The following EML6 variants were observed in gnomAD, a reference collection of about 807,000 sequenced individuals.
EML6 encodes the protein echinoderm microtubule-associated protein-like 6.
EML6 carries 154 observed loss-of-function variants against 240.1 expected under a neutral mutation model. The ratio of observed to expected loss-of-function variants is 0.64; its 90% CI spans 0.56 to 0.73. The LOEUF (loss-of-function observed/expected upper bound fraction) is 0.73, where lower values mean the gene tolerates loss of function less well. Among genes scored for constraint, EML6 ranks in the 30% least tolerant of loss-of-function variants. EML6 has a pLI of 0.00. For synonymous variants in EML6, 1,148 were observed against 899.0 expected (o/e 1.28, Z -4.95); for missense variants, 2,964 against 2,474.6 (o/e 1.20, Z -4.20).
intron 3 of EML6, among the ~76,000 whole-genome samples, chr2:54,815,970 A>T (rs1668063515): frequency 6.6e-6 from 1 of 152,228 alleles, no homozygotes; most frequent in Admixed American, 6.5e-5. Context: ...AGGAATGATT[A>T]TTTTTTATAC....
At chr2:54,941,842 C>T (rs1479671328) in intron 28 of EML6, among the ~76,000 whole-genome samples, 2 of 152,254 alleles carry the variant, frequency 1.3e-5, no homozygotes, top group Admixed American at 1.3e-4. Flanking sequence ...CCCACCCCTT[C>T]GTTCTGCAAG....
chr2:54,781,963 C>G (rs889041798), intron 2 of EML6, among the ~76,000 whole-genome samples: 95 of 152,334 alleles, frequency 6.2e-4, no homozygotes, highest in African/African-American at 2.2e-3. Context: ...GCCACCACTC[C>G]TGGACTACAA....
intron 26 of EML6, among the ~76,000 whole-genome samples, chr2:54,921,061 G>A (rs942381802): frequency 4.6e-5 from 7 of 151,928 alleles, no homozygotes; most frequent in Non-Finnish European, 7.4e-5. Flanking sequence ...ATGAAAAGCC[G>A]AAAACTTTTC....
At chr2:54,937,200 C>T (rs1376786463) in intron 28 of EML6, among the ~76,000 whole-genome samples, 1 of 151,682 alleles carries the variant, frequency 6.6e-6, no homozygotes, top group African/African-American at 2.4e-5. Flanking sequence ...ATTGCTTAAA[C>T]CCGGGAGGTG....
chr2:54,853,277 A>G (rs1174781372), intron 10 of EML6, among the ~76,000 whole-genome samples: 1 of 152,216 alleles, frequency 6.6e-6, no homozygotes, highest in Non-Finnish European at 1.5e-5. Flanking sequence ...AAGGTAATTA[A>G]GTAATTGTTA....
chr2:54,839,125 A>G (rs1414362976), intron 7 of EML6, among the ~76,000 whole-genome samples: 13 of 152,230 alleles, frequency 8.5e-5, no homozygotes. Context: ...TGTCAGAAGT[A>G]GAAACTAAGC....
chr2:54,895,153 C>G, intron 20 of EML6, 120 bp from the exon 21 acceptor site: 3 of 1,331,264 alleles, frequency 2.3e-6, no homozygotes, highest in Non-Finnish European at 2.1e-6. Flanking sequence ...CTCTCTTCCT[C>G]TGGTAGAAAT....
At chr2:54,750,398 T>C (rs527543591) in intron 2 of EML6, among the ~76,000 whole-genome samples, 1 of 152,342 alleles carries the variant, frequency 6.6e-6, no homozygotes, top group South Asian at 2.1e-4. Flanking sequence ...AGTTAGCTTA[T>C]TGGCATCACC....
intron 12 of EML6, among the ~76,000 whole-genome samples, chr2:54,861,812 A>AGT (rs1190689198): frequency 2.6e-5 from 4 of 151,034 alleles, no homozygotes; most frequent in African/African-American, 4.9e-5. Context: ...ACCAACACAC[A>AGT]GTGTCAGTGA....
intron 13 of EML6, among the ~76,000 whole-genome samples, chr2:54,865,557 C>G (rs1670927823): frequency 6.6e-6 from 1 of 152,202 alleles, no homozygotes; most frequent in Non-Finnish European, 1.5e-5. Flanking sequence ...AATCTGAATT[C>G]TCCAAAATCC....
chr2:54,881,126 C>T (rs1027463292), intron 17 of EML6: 1 of 152,124 alleles, frequency 6.6e-6, no homozygotes, highest in Non-Finnish European at 1.5e-5. Flanking sequence ...GCAGAATTGC[C>T]CAGGAGAACA....
At chr2:54,798,222 G>C (rs567839432) in intron 2 of EML6, among the ~76,000 whole-genome samples, 188 of 152,142 alleles carry the variant, frequency 1.2e-3, no homozygotes, top group African/African-American at 3.8e-3. Flanking sequence ...GCCCAGGCTG[G>C]AGTGCAGTGG....
At chr2:54,874,585 T>C (rs1227171263) in intron 16 of EML6, among the ~76,000 whole-genome samples, 4 of 152,162 alleles carry the variant, frequency 2.6e-5, no homozygotes, top group Non-Finnish European at 5.9e-5. Flanking sequence ...AATATATAAA[T>C]GGTAGAAAGG....
At chr2:54,844,334 C>A in intron 8 of EML6, 86 bp downstream of exon 8, 2 of 1,010,690 alleles carry the variant, frequency 2.0e-6, no homozygotes, top group Admixed American at 2.1e-5. Context: ...GGATAAAGTG[C>A]AGAACAGAAC....
chr2:54,953,750 G>T (rs1485244220), intron 31 of EML6, among the ~76,000 whole-genome samples: 1 of 152,082 alleles, frequency 6.6e-6, no homozygotes, highest in African/African-American at 2.4e-5. Flanking sequence ...AGCTGGGTGT[G>T]GTGGTGCGTG....
chr2:54,788,889 C>T (rs930424502), intron 2 of EML6, among the ~76,000 whole-genome samples: 1 of 152,162 alleles, frequency 6.6e-6, no homozygotes, highest in Non-Finnish European at 1.5e-5. Flanking sequence ...TCATTTCTGA[C>T]TGGTTGGAGT....
chr2:54,803,728 C>T (rs534586349), intron 2 of EML6, among the ~76,000 whole-genome samples: 1 of 152,154 alleles, frequency 6.6e-6, no homozygotes, highest in South Asian at 2.1e-4. Flanking sequence ...AATAAGTGGC[C>T]AGTTTTGTTT....
At chr2:54,734,635 C>T (rs1181651354) in intron 2 of EML6, among the ~76,000 whole-genome samples, 1 of 152,086 alleles carries the variant, frequency 6.6e-6, no homozygotes, top group African/African-American at 2.4e-5. Context: ...CTGGGGCTGG[C>T]ACAGTGGCCA....
chr2:54,845,849 A>T (rs1281835745), intron 8 of EML6, among the ~76,000 whole-genome samples: 3 of 152,084 alleles, frequency 2.0e-5, no homozygotes, highest in Non-Finnish European at 4.4e-5. Flanking sequence ...GCTGCATGTG[A>T]CTTATTCTTG....
Sources: allele counts gnomAD v4.1 joint callset (sites outside exome capture counted in the v4.1 genomes callset), GRCh38; gene constraint gnomAD v4.1.1; transcripts MANE v1.5; gene names NCBI Gene and HGNC (gene_info 2026-07-23, HGNC 2026-07-21).